MYH9: variants seen among roughly 807,000 people sequenced by gnomAD.
The protein encoded by MYH9 is myosin-9.
A neutral mutation model predicts 241.9 loss-of-function variants in MYH9; 29 were observed. The observed-to-expected ratio is 0.12, with a 90% CI of 0.09 to 0.16. The LOEUF (loss-of-function observed/expected upper bound fraction) is 0.16. Ranked by LOEUF, MYH9 falls within the 10% of genes least tolerant of loss-of-function variation. The pLI, the probability that MYH9 is intolerant of heterozygous loss-of-function variation, is 1.00. For missense variants in MYH9, 1,803 were observed against 2,595.5 expected (o/e 0.69, Z 6.63); for synonymous variants, 1,047 against 1,062.6 (o/e 0.99, Z 0.29).
chr22:36,364,805 G>A (rs1313106739), intron 1 of MYH9: 6 of 152,112 alleles, frequency 3.9e-5, no homozygotes, highest in South Asian at 2.1e-4. Context: ...ATCTGAGGAC[G>A]AGCCGCAGCC....
chr22:36,363,255 G>A (rs1376800218), intron 1 of MYH9, among the ~76,000 whole-genome samples: 1 of 152,230 alleles, frequency 6.6e-6, no homozygotes, highest in East Asian at 1.9e-4. Flanking sequence ...TGGCTTCATT[G>A]CCTGTGTCCT....
intron 15 of MYH9, among the ~76,000 whole-genome samples, chr22:36,307,972 C>T (rs964561425): frequency 1.3e-5 from 2 of 151,914 alleles, no homozygotes; most frequent in African/African-American, 2.4e-5. Context: ...GTTTCCTGGG[C>T]GTGGTAACTT....
chr22:36,301,493 G>A (rs749284019), intron 21 of MYH9, 41 bp downstream of exon 21: 4 of 1,610,038 alleles, frequency 2.5e-6, no homozygotes, highest in East Asian at 4.5e-5. Flanking sequence ...GCAGCACCAG[G>A]CAGGTCGTGC....
chr22:36,353,102 C>CGA (rs891280213), intron 1 of MYH9, among the ~76,000 whole-genome samples: 4 of 142,876 alleles, frequency 2.8e-5, no homozygotes, highest in South Asian at 4.3e-4. Context: ...CCTCTGGGGG[C>CGA]GTGTGTGTGT....
chr22:36,336,901 A>G (rs897354313), intron 3 of MYH9, among the ~76,000 whole-genome samples: 38 of 152,186 alleles, frequency 2.5e-4, no homozygotes, highest in African/African-American at 8.9e-4. Flanking sequence ...CAGTAACAGG[A>G]TAATGTCAAA....
intron 1 of MYH9, among the ~76,000 whole-genome samples, chr22:36,382,468 C>G (rs2018274212): frequency 6.6e-6 from 1 of 151,290 alleles, no homozygotes; most frequent in Non-Finnish European, 1.5e-5. Flanking sequence ...GAGCGAGACT[C>G]AGTCTCAAAA....
At chr22:36,333,649 ATTTATCTTTC>A (rs1260677568) in intron 3 of MYH9, among the ~76,000 whole-genome samples, 1 of 152,216 alleles carries the variant, frequency 6.6e-6, no homozygotes, top group Non-Finnish European at 1.5e-5. Context: ...TTTTCAGTTC[ATTTATCTTTC>A]TTTAGTTGTA....
intron 2 of MYH9, among the ~76,000 whole-genome samples, chr22:36,346,375 T>C (rs2017678454): frequency 2.0e-5 from 3 of 152,204 alleles, no homozygotes; most frequent in Admixed American, 2.0e-4. Flanking sequence ...ATTGAAGGCT[T>C]TAGCACATTG....
chr22:36,283,995 G>A, intron 40 of MYH9, 98 bp downstream of exon 40: 1 of 1,435,728 alleles, frequency 7.0e-7, no homozygotes, highest in African/African-American at 1.4e-5. Flanking sequence ...GTCCTTTCTT[G>A]GTGACATTCG....
intron 20 of MYH9, 108 bp downstream of exon 20, chr22:36,302,460 C>T (rs772226402): frequency 1.3e-4 from 122 of 975,342 alleles, no homozygotes; most frequent in Middle Eastern, 2.8e-4. Flanking sequence ...CCAACCTGGG[C>T]GACATGGTGA....
At chr22:36,382,901 T>C (rs1043998977) in intron 1 of MYH9, among the ~76,000 whole-genome samples, 4 of 152,120 alleles carry the variant, frequency 2.6e-5, no homozygotes, top group Non-Finnish European at 5.9e-5. Context: ...TATGATATCT[T>C]TGTAGGGAGA....
chr22:36,342,100 A>G (rs1109213), intron 2 of MYH9, among the ~76,000 whole-genome samples: 5,581 of 152,308 alleles, frequency 0.037, 137 homozygotes, highest in South Asian at 0.06. Context: ...AGACATTCAC[A>G]TGCAAATCCC....
At chr22:36,368,899 C>A (rs553598305) in intron 1 of MYH9, among the ~76,000 whole-genome samples, 1 of 122,712 alleles carries the variant, frequency 8.1e-6, no homozygotes, top group African/African-American at 3.3e-5. Flanking sequence ...GTGTAAAAGC[C>A]AGAAGTAAGG....
At chr22:36,325,096 T>G in intron 5 of MYH9, 1 of 774,540 alleles carries the variant, frequency 1.3e-6, no homozygotes, top group Non-Finnish European at 2.4e-6. Flanking sequence ...ACTCCTAACC[T>G]CACAGCTCTG....
chr22:36,298,417 C>T (rs1306156505), intron 24 of MYH9, among the ~76,000 whole-genome samples: 3 of 152,184 alleles, frequency 2.0e-5, no homozygotes, highest in South Asian at 4.1e-4. Context: ...CCGCAGTATT[C>T]GTCTAGGACT....
intron 11 of MYH9, 27 bp from the exon 12 acceptor site, chr22:36,316,696 T>C: frequency 6.2e-7 from 1 of 1,612,978 alleles, no homozygotes; most frequent in Non-Finnish European, 8.5e-7. Context: ...GGGAGCGTGG[T>C]GTCAGATACA....
chr22:36,354,278 C>G (rs2017816744), intron 1 of MYH9, among the ~76,000 whole-genome samples: 1 of 151,988 alleles, frequency 6.6e-6, no homozygotes, highest in African/African-American at 2.4e-5. Context: ...GAAAGTAACT[C>G]TACTCGGTCA....
At chr22:36,358,121 G>A (rs1478942648) in intron 1 of MYH9, among the ~76,000 whole-genome samples, 1 of 152,174 alleles carries the variant, frequency 6.6e-6, no homozygotes, top group East Asian at 1.9e-4. Flanking sequence ...CTGGAATGCA[G>A]TGGCGTGATC....
At chr22:36,366,401 A>T (rs56292469) in intron 1 of MYH9, among the ~76,000 whole-genome samples, 2,242 of 152,060 alleles carry the variant, frequency 0.015, 37 homozygotes, top group Non-Finnish European at 0.024. Flanking sequence ...GGTCGGGGGG[A>T]GTGTCCCACT....
Sources: allele counts gnomAD v4.1 joint callset (sites outside exome capture counted in the v4.1 genomes callset), GRCh38; gene constraint gnomAD v4.1.1; transcripts MANE v1.5; gene names NCBI Gene and HGNC (gene_info 2026-07-23, HGNC 2026-07-21).